RWDD4: variants seen among roughly 807,000 people sequenced by gnomAD.
RWDD4 encodes RWD domain-containing protein 4.
In RWDD4, 16 loss-of-function variants were observed where a neutral mutation model predicts 30.0. The observed-to-expected ratio is 0.53, with a 90% CI of 0.36 to 0.81. The LOEUF (loss-of-function observed/expected upper bound fraction) is 0.81. RWDD4 is among the 30% of genes least tolerant of loss of function. The pLI is 0.00. For missense variants in RWDD4, 170 were observed against 223.9 expected, an observed-to-expected ratio of 0.76 and a Z score of 1.54; for synonymous variants, 45 against 72.1, an observed-to-expected ratio of 0.62 and a Z score of 1.90.
At chr4:183,651,486 G>A (rs1734076085) in intron 2 of RWDD4, among the ~76,000 whole-genome samples, 159 bp from the exon 3 acceptor site, 1 of 152,206 alleles carries the variant, frequency 6.6e-6, no homozygotes, top group Admixed American at 6.5e-5. Context: ...CTGAGCAGGG[G>A]TGAAGGGAGT....
rs1241756508 is a variant in RWDD4 at position 183,641,579 on chromosome 4, C to T, written c.535-111G>A. ...AACGAGGCTTAAGTAACTTAAATCA[C>T]CTACAGTTTTTACCACATGTAGCTA... is the stretch of plus-strand genomic sequence containing the variant. On this transcript the variant is annotated intron_variant, in intron 7 of 7. Coordinates refer to ENST00000326397, the MANE Select transcript of RWDD4 (RefSeq NM_152682.4). 1.1e-5 allele frequency: 9 copies of T among 806,098 alleles called. No homozygotes were observed. In the Admixed American group the frequency reaches 2.1e-4, roughly 18 times the overall value. 49.9% of individuals were successfully genotyped at this position (806,098 alleles called of 1,614,324 possible). A position where few individuals can be genotyped will look rare whatever the true frequency, so the allele number is the denominator to read the frequency against.
intron 7 of RWDD4, among the ~76,000 whole-genome samples, chr4:183,645,427 T>C (rs1237798731): frequency 1.3e-5 from 2 of 152,070 alleles, no homozygotes; most frequent in African/African-American, 2.4e-5. Context: ...CAGAGCATTG[T>C]TCTTGGTATG....
At chr4:183,642,185 A>ATTTTTTTTTT (rs1009902870) in intron 7 of RWDD4, among the ~76,000 whole-genome samples, 1 of 97,154 alleles carries the variant, frequency 1.0e-5, no homozygotes, top group Non-Finnish European at 1.9e-5. Flanking sequence ...CATTCTTAAA[A>ATTTTTTTTTT]TTTTTTTTTT....
intron 7 of RWDD4, 129 bp from the exon 8 acceptor site, chr4:183,641,597 T>TGA: frequency 1.4e-6 from 1 of 713,512 alleles, no homozygotes; most frequent in Non-Finnish European, 2.5e-6. Flanking sequence ...TTTTACCACA[T>TGA]GTAGCTACTT....
chr4:183,651,238 G>T lies in RWDD4; in HGVS notation c.195C>A (p.Asn65Lys). The T allele has an allele frequency of 2.5e-6, 4 of 1,613,510 alleles. No homozygotes were observed. The highest frequency in any genetic ancestry group is 3.4e-6 in the Non-Finnish European group (4 of 1,179,746). ...YPQTPPILSM[N>K]AFFNNTISSA... ...CTCACATGGTGTTGTTAAAAAAAGC[G>T]TTCATAGATAGAATTGGAGGTGTTT... Residue 65 changes from asparagine to lysine, a missense_variant, in exon 3 of 8, where the codon AAC (asparagine) becomes AAA (lysine). Coordinates refer to ENST00000326397, the MANE Select transcript of RWDD4 (RefSeq NM_152682.4).
chr4:183,648,229 T>TC, intron 5 of RWDD4, among the ~76,000 whole-genome samples: 1 of 137,130 alleles, frequency 7.3e-6, no homozygotes, highest in East Asian at 2.2e-4. Context: ...AGAGCGAGAC[T>TC]CCGTCTCAAA....
chr4:183,653,956 G>A (rs1311274271), intron 2 of RWDD4, among the ~76,000 whole-genome samples: 3 of 152,134 alleles, frequency 2.0e-5, no homozygotes, highest in East Asian at 1.9e-4. Context: ...AATGGGGAAC[G>A]GCTAATTCTG....
In RWDD4 at chr4:183,659,038, C is replaced by A. The variant is rs945934804; in HGVS notation, c.-86G>T. ...AGGCAGCGGCCCAGAGGCCGGGCGT[C>A]CCCCTTTCGCGCCTCGGCTGTGGGG... On this transcript the variant is annotated 5_prime_UTR_variant, in exon 1 of 8. Coordinates refer to ENST00000326397, the MANE Select transcript of RWDD4 (RefSeq NM_152682.4). 10 of 1,050,004 alleles carry A rather than the reference C, an allele frequency of 9.5e-6. No homozygotes were observed. The highest frequency in any genetic ancestry group is 8.5e-6 in the Non-Finnish European group (7 of 821,310). 65.0% of individuals were successfully genotyped at this position (1,050,004 alleles called of 1,614,324 possible).
At position 183,640,971 on chromosome 4, in the gene RWDD4, T is replaced by C. The variant is rs1293709200; in HGVS notation, c.*465A>G. 6.5e-6 allele frequency: 1 copy of C among 153,180 alleles called. No individual in the cohort carries two copies. Among genetic ancestry groups the C allele is most frequent in the African/African-American group, 2.4e-5 (1 of 41,436 alleles). 9.5% of individuals were successfully genotyped at this position (153,180 alleles called of 1,614,324 possible). A position where few individuals can be genotyped will look rare whatever the true frequency, so the allele number is the denominator to read the frequency against. The stretch of plus-strand genomic sequence containing the variant: ...TAAATTTCTCTGAAGTAATTTACGG[T>C]TCAGTAATTAAGCAAAAGAAGAGAT... On this transcript the variant is annotated 3_prime_UTR_variant, in exon 8 of 8. Transcript: ENST00000326397.
In RWDD4 at chr4:183,648,709, G is replaced by A. The variant is rs1292495946; in HGVS notation, c.481+742C>T. ...GTAAACAAATCCCAAACATGTTAGA[G>A]CTCCAGGTAGAACATGTTTTTGTAG... On this transcript the variant is annotated intron_variant, in intron 5 of 7. Transcript: ENST00000326397. 3.3e-5 allele frequency among the ~76,000 whole-genome samples: 5 copies of A among 152,182 alleles called. No individual in the cohort carries two copies. In the South Asian group the frequency reaches 1.0e-3, roughly 32 times the overall value.
chr4:183,649,412 C>A, intron 5 of RWDD4, 39 bp downstream of exon 5: 1 of 1,368,636 alleles, frequency 7.3e-7, no homozygotes, highest in South Asian at 1.2e-5. Flanking sequence ...GAGACTCTGT[C>A]AAAAAAAAGA....
chr4:183,642,636 CTACT>C (rs1233341816), intron 7 of RWDD4, among the ~76,000 whole-genome samples: 2 of 152,122 alleles, frequency 1.3e-5, no homozygotes, highest in Non-Finnish European at 2.9e-5. Context: ...CATCCTCAAC[CTACT>C]GATTGAGAAA....
At chr4:183,654,726 G>C (rs1227940275) in intron 2 of RWDD4, among the ~76,000 whole-genome samples, 1 of 152,110 alleles carries the variant, frequency 6.6e-6, no homozygotes, top group Non-Finnish European at 1.5e-5. Context: ...TGTTAACTTT[G>C]GACATTTGAG....
chr4:183,655,851 C>G (rs1384071300), intron 2 of RWDD4, 30 bp downstream of exon 2: 2 of 1,412,660 alleles, frequency 1.4e-6, no homozygotes, highest in East Asian at 4.6e-5. Context: ...TAGAAAAGTT[C>G]TAAGTGCTCT....
chr4:183,646,281 A>G (rs1190450181), intron 7 of RWDD4, 70 bp downstream of exon 7: 3 of 777,336 alleles, frequency 3.9e-6, no homozygotes, highest in Admixed American at 2.2e-5. Context: ...CATTACTTAA[A>G]AAAAAAAAAG....
Position 183,650,452 on chromosome 4 carries a change from A to C in RWDD4, c.363+532T>G, listed in dbSNP as rs1299026014. Among the ~76,000 whole-genome samples the C allele has an allele frequency of 3.3e-5, 5 of 152,338 alleles. No individual in the cohort carries two copies. In the East Asian group the frequency reaches 9.6e-4, roughly 29 times the overall value. On this transcript the variant is annotated intron_variant, in intron 4 of 7. Coordinates refer to ENST00000326397, the MANE Select transcript of RWDD4 (RefSeq NM_152682.4). ...ACCCCTCAAAGTCTTTTAGTGCATG[A>C]CGTGGTGCAAAGGGGCCTCATACAC... is the stretch of plus-strand genomic sequence containing the variant.
chr4:183,642,185 A>ATT (rs1009902870), intron 7 of RWDD4, among the ~76,000 whole-genome samples: 1,147 of 97,090 alleles, frequency 0.012, 80 homozygotes, highest in East Asian at 0.064. Flanking sequence ...CATTCTTAAA[A>ATT]TTTTTTTTTT....
At chr4:183,643,112 AAT>A in intron 7 of RWDD4, among the ~76,000 whole-genome samples, 3 of 128,596 alleles carry the variant, frequency 2.3e-5, no homozygotes, top group Non-Finnish European at 4.8e-5. Context: ...ATAAAATAAA[AAT>A]TAAAAAAAAA....
At chr4:183,644,100 T>C (rs1733920674) in intron 7 of RWDD4, among the ~76,000 whole-genome samples, 3 of 152,360 alleles carry the variant, frequency 2.0e-5, no homozygotes. Context: ...AGATTCTTTT[T>C]CTTCTCACTT....
Sources: gnomAD v4.1 joint callset for allele counts (sites outside exome capture counted in the v4.1 genomes callset) on GRCh38, gnomAD v4.1.1 for gene constraint, MANE v1.5 for transcripts, NCBI Gene and HGNC (gene_info 2026-07-23, HGNC 2026-07-21) for gene names.